The following VRK2 variants were observed in gnomAD, a reference collection of about 807,000 sequenced individuals.
VRK2 encodes serine/threonine-protein kinase VRK2.
Under a neutral mutation model 57.6 loss-of-function variants are expected in VRK2, and 60 were observed. That is an observed-to-expected ratio of 1.04 (90% CI 0.85 to 1.29). The LOEUF is 1.29. Among genes scored for constraint, VRK2 ranks in the 50% most tolerant of loss-of-function variants. The pLI is 0.00. For synonymous variants in VRK2, 231 were observed against 199.2 expected (o/e 1.16, Z -1.35); for missense variants, 705 against 588.1 (o/e 1.20, Z -2.06).
intron 1 of VRK2, among the ~76,000 whole-genome samples, chr2:57,965,999 A>G (rs1031250043): frequency 1.3e-5 from 2 of 152,256 alleles, no homozygotes; most frequent in Non-Finnish European, 2.9e-5. Flanking sequence ...AGTTAAAATA[A>G]CAGACATACA....
chr2:58,088,438 A>G lies in VRK2; in HGVS notation c.442A>G (p.Ile148Val), dbSNP rs1671935241. The G allele has an allele frequency of 6.2e-7, 1 of 1,607,392 alleles. No homozygotes were observed. The highest frequency in any genetic ancestry group is 1.7e-5 in the Admixed American group (1 of 59,640). ...FKKSTVLQLG[I>V]RMLDVLEYIH... ...AAAGTCAACTGTCCTGCAATTAGGT[A>G]TCCGAATGGTAAGAATTACTTATTT... The change falls in exon 6 of 13, where the codon ATC becomes GTC. Residue 148 changes from isoleucine to valine, a missense_variant. Ile to Val is a conservative substitution (Grantham distance 29, BLOSUM62 3). Transcript: ENST00000340157.
chr2:57,960,709 A>C (rs187600744), intron 1 of VRK2, among the ~76,000 whole-genome samples: 1 of 152,350 alleles, frequency 6.6e-6, no homozygotes, highest in East Asian at 1.9e-4. Context: ...ATTTATGATC[A>C]GAAGCAAAGT....
intron 2 of VRK2, among the ~76,000 whole-genome samples, chr2:58,077,124 A>T (rs1408685201): frequency 1.3e-5 from 2 of 152,140 alleles, no homozygotes; most frequent in East Asian, 3.9e-4. Flanking sequence ...TCCCTTTGGG[A>T]AAATTCTTCA....
chr2:58,133,336 C>T (rs1679495403), intron 9 of VRK2, among the ~76,000 whole-genome samples: 1 of 152,124 alleles, frequency 6.6e-6, no homozygotes. Flanking sequence ...TTAATATCTT[C>T]ATTTTGACTT....
intron 1 of VRK2, among the ~76,000 whole-genome samples, chr2:57,999,708 T>C (rs1196885957): frequency 6.6e-6 from 1 of 152,188 alleles, no homozygotes; most frequent in African/African-American, 2.4e-5. Flanking sequence ...GATAACAAAA[T>C]TAGTTTTTAG....
At chr2:58,051,305 A>T (rs1675703689) in intron 2 of VRK2, among the ~76,000 whole-genome samples, 1 of 152,208 alleles carries the variant, frequency 6.6e-6, no homozygotes, top group Admixed American at 6.5e-5. Context: ...CTTTAAAGAA[A>T]TATTTAGCTA....
At chr2:58,026,843 T>C (rs1309687601) in intron 2 of VRK2, 1 of 152,034 alleles carries the variant, frequency 6.6e-6, no homozygotes, top group African/African-American at 2.4e-5. Flanking sequence ...CTCAGCCTTC[T>C]AAGTAGCTAG....
chr2:58,119,245 C>A (rs1306598718), intron 7 of VRK2, among the ~76,000 whole-genome samples: 1 of 151,838 alleles, frequency 6.6e-6, no homozygotes, highest in Non-Finnish European at 1.5e-5. Flanking sequence ...CGCCTGTAAT[C>A]CCAGCACTTT....
chr2:58,134,710 A>G (rs1177650255), intron 9 of VRK2, among the ~76,000 whole-genome samples: 1 of 151,686 alleles, frequency 6.6e-6, no homozygotes, highest in Admixed American at 6.6e-5. Flanking sequence ...TTGTCCAGTC[A>G]CATTCCTACA....
intron 1 of VRK2, among the ~76,000 whole-genome samples, chr2:57,999,784 T>A (rs1673035389): frequency 6.6e-6 from 1 of 152,202 alleles, no homozygotes; most frequent in Admixed American, 6.5e-5. Flanking sequence ...AAACATTTCA[T>A]CTGGAAGTAT....
At chr2:58,071,511 G>A (rs1180751468) in intron 2 of VRK2, among the ~76,000 whole-genome samples, 2 of 152,012 alleles carry the variant, frequency 1.3e-5, no homozygotes, top group African/African-American at 4.8e-5. Context: ...TTTTGCATGT[G>A]AGTGTCCAGT....
chr2:57,970,521 T>C (rs1453457216), intron 1 of VRK2, among the ~76,000 whole-genome samples: 1 of 150,916 alleles, frequency 6.6e-6, no homozygotes, highest in East Asian at 1.9e-4. Context: ...AAAACAAAAA[T>C]CTAGCATAGA....
At chr2:57,976,126 G>C (rs1269334501) in intron 1 of VRK2, among the ~76,000 whole-genome samples, 2 of 152,062 alleles carry the variant, frequency 1.3e-5, no homozygotes, top group African/African-American at 4.8e-5. Flanking sequence ...AGTATTCCAT[G>C]GTGTATATGT....
chr2:57,925,865 A>G (rs180675456), intron 1 of VRK2, among the ~76,000 whole-genome samples: 2 of 151,888 alleles, frequency 1.3e-5, no homozygotes, highest in Non-Finnish European at 2.9e-5. Context: ...AGATGTGTAT[A>G]GCTATAAACT....
chr2:57,994,595 G>GTC (rs1672869393), intron 1 of VRK2, among the ~76,000 whole-genome samples: 1 of 151,960 alleles, frequency 6.6e-6, no homozygotes, highest in Non-Finnish European at 1.5e-5. Context: ...AATACTTCAG[G>GTC]TCTTTGCAGG....
chr2:58,091,726 T>G (rs1672404974), intron 7 of VRK2, among the ~76,000 whole-genome samples: 2 of 151,924 alleles, frequency 1.3e-5, no homozygotes, highest in South Asian at 4.1e-4. Context: ...ACTAAATACC[T>G]TGTTAAAGCG....
At chr2:57,980,658 T>C (rs1672393648) in intron 1 of VRK2, among the ~76,000 whole-genome samples, 4 of 152,156 alleles carry the variant, frequency 2.6e-5, no homozygotes, top group Admixed American at 2.0e-4. Context: ...TATTATTGTG[T>C]GGTTATGTGT....
At chr2:58,028,907 T>A (rs4574103) in intron 2 of VRK2, among the ~76,000 whole-genome samples, 172 of 32,850 alleles carry the variant, frequency 5.2e-3, no homozygotes, top group African/African-American at 9.1e-3. Context: ...TAAATAAATA[T>A]ATATATATAT....
chr2:57,976,092 T>A (rs1341728257), intron 1 of VRK2, among the ~76,000 whole-genome samples: 1 of 152,082 alleles, frequency 6.6e-6, no homozygotes, highest in African/African-American at 2.4e-5. Context: ...CAAAGGACAT[T>A]ATTTCATTCT....
Sources: gnomAD v4.1 joint callset for allele counts (sites outside exome capture counted in the v4.1 genomes callset) on GRCh38, gnomAD v4.1.1 for gene constraint, MANE v1.5 for transcripts, NCBI Gene and HGNC (gene_info 2026-07-23, HGNC 2026-07-21) for gene names.